The following CDH18 variants were observed in gnomAD, a reference collection of about 807,000 sequenced individuals.
CDH18 encodes the protein cadherin 18.
CDH18 carries 31 observed loss-of-function variants against 67.9 expected under a neutral mutation model. That is an observed-to-expected ratio of 0.46 (90% CI 0.34 to 0.62). The LOEUF is 0.62. CDH18 is among the 20% of genes least tolerant of loss of function. The pLI is 0.01. For missense variants in CDH18, 890 were observed against 975.5 expected (o/e 0.91, Z 1.17); for synonymous variants, 362 against 347.2 (o/e 1.04, Z -0.48).
chr5:19,827,025 G>T (rs77802554), intron 3 of CDH18, among the ~76,000 whole-genome samples: 1 of 151,978 alleles, frequency 6.6e-6, no homozygotes, highest in Non-Finnish European at 1.5e-5. Context: ...CAAAGTAAGG[G>T]GATGGAGAAA....
chr5:19,531,027 T>A (rs1235192806), intron 9 of CDH18, among the ~76,000 whole-genome samples: 1 of 152,260 alleles, frequency 6.6e-6, no homozygotes, highest in East Asian at 1.9e-4. Context: ...AATGCAGAAA[T>A]CACCTGTCTT....
In CDH18 at chr5:20,354,082, T is replaced by C. The variant is rs1490470814; in HGVS notation, c.-579-98577A>G. ...ATTTTTATTGGAAGCTAAAGCAGCTTATCCACTTTGGATATAGAGTTTTCA... is the reference window on the plus strand; with the variant it reads ...ATTTTTATTGGAAGCTAAAGCAGCTCATCCACTTTGGATATAGAGTTTTCA... On this transcript the variant is annotated intron_variant, in intron 1 of 14. Coordinates refer to the CDH18 transcript ENST00000507958. 2.0e-5 allele frequency among the ~76,000 whole-genome samples: 3 copies of C among 152,342 alleles called. No homozygotes were observed. In the East Asian group the frequency reaches 5.8e-4, roughly 29 times the overall value.
intron 5 of CDH18, among the ~76,000 whole-genome samples, chr5:19,686,171 G>A (rs1761067513): frequency 1.3e-5 from 2 of 151,874 alleles, no homozygotes; most frequent in Admixed American, 6.6e-5. Context: ...AAACCAGCAC[G>A]CAATAAAACA....
intron 2 of CDH18, among the ~76,000 whole-genome samples, chr5:19,848,752 A>T (rs1783297491): frequency 6.6e-6 from 1 of 151,870 alleles, no homozygotes; most frequent in Middle Eastern, 3.2e-3. Flanking sequence ...GCAGGTGAGA[A>T]ATGATGGTAG....
intron 2 of CDH18, among the ~76,000 whole-genome samples, chr5:20,032,300 C>T (rs942457594): frequency 6.6e-6 from 1 of 151,202 alleles, no homozygotes; most frequent in Admixed American, 6.6e-5. Context: ...GTGACTGTCC[C>T]TGACTTTAGT....
intron 1 of CDH18, among the ~76,000 whole-genome samples, chr5:20,406,875 C>G (rs1357377625): frequency 6.6e-6 from 1 of 152,120 alleles, no homozygotes; most frequent in African/African-American, 2.4e-5. Context: ...GCTTCGTTAG[C>G]CACATTAAAA....
At chr5:19,572,564 G>A (rs952560097) in intron 7 of CDH18, among the ~76,000 whole-genome samples, 4 of 152,094 alleles carry the variant, frequency 2.6e-5, no homozygotes, top group African/African-American at 9.7e-5. Context: ...CAACATCAAC[G>A]TTCCTTTCAG....
chr5:19,942,696 C>T (rs1396923091), intron 2 of CDH18, among the ~76,000 whole-genome samples: 1 of 152,108 alleles, frequency 6.6e-6, no homozygotes. Context: ...TTAAGGCTTT[C>T]TGGAGACAGA....
intron 1 of CDH18, among the ~76,000 whole-genome samples, chr5:20,524,928 C>T (rs1755957426): frequency 6.6e-6 from 1 of 152,150 alleles, no homozygotes; most frequent in African/African-American, 2.4e-5. Context: ...AAGATAGCAA[C>T]AAGGTTAGAA....
At chr5:20,493,356 T>TTA (rs1391590923) in intron 1 of CDH18, among the ~76,000 whole-genome samples, 5 of 47,210 alleles carry the variant, frequency 1.1e-4, no homozygotes, top group African/African-American at 3.4e-4. Flanking sequence ...TTCAGAAAAT[T>TTA]AAAAAAAAAA....
At chr5:19,817,429 C>T (rs957185741) in intron 3 of CDH18, among the ~76,000 whole-genome samples, 9 of 151,888 alleles carry the variant, frequency 5.9e-5, no homozygotes, top group Non-Finnish European at 1.0e-4. Flanking sequence ...ACATTCATAA[C>T]ATTATTACAT....
chr5:20,436,753 AT>A (rs1390140018), intron 1 of CDH18, among the ~76,000 whole-genome samples: 1 of 151,440 alleles, frequency 6.6e-6, no homozygotes, highest in Non-Finnish European at 1.5e-5. Flanking sequence ...GGGCTGTAAA[AT>A]ATCACCATAT....
At chr5:20,464,122 C>T (rs1381551031) in intron 1 of CDH18, among the ~76,000 whole-genome samples, 1 of 152,046 alleles carries the variant, frequency 6.6e-6, no homozygotes, top group East Asian at 1.9e-4. Flanking sequence ...ACTGATGAGG[C>T]TGACACACAC....
intron 2 of CDH18, among the ~76,000 whole-genome samples, chr5:19,937,652 G>GCCTCA (rs1337102096): frequency 1.3e-5 from 2 of 150,996 alleles, no homozygotes; most frequent in African/African-American, 4.8e-5. Context: ...ACAATACCTA[G>GCCTCA]CCTCACTATG....
At chr5:20,015,541 GTTAAA>G (rs371319845) in intron 2 of CDH18, among the ~76,000 whole-genome samples, 6 of 152,244 alleles carry the variant, frequency 3.9e-5, no homozygotes, top group African/African-American at 1.4e-4. Flanking sequence ...GGGATTTAGA[GTTAAA>G]TTAAATCATT....
At chr5:19,763,537 G>T (rs1463478173) in intron 3 of CDH18, among the ~76,000 whole-genome samples, 1 of 152,148 alleles carries the variant, frequency 6.6e-6, no homozygotes, top group Non-Finnish European at 1.5e-5. Context: ...TTTGAGGCAT[G>T]CTAAATGTGA....
At chr5:20,485,381 C>T (rs890298574) in intron 1 of CDH18, among the ~76,000 whole-genome samples, 16 of 152,108 alleles carry the variant, frequency 1.1e-4, no homozygotes, top group Non-Finnish European at 1.9e-4. Context: ...AGGGACAGGA[C>T]ACCATTTATC....
intron 2 of CDH18, among the ~76,000 whole-genome samples, chr5:19,868,827 T>C (rs1370948836): frequency 6.6e-6 from 1 of 152,096 alleles, no homozygotes; most frequent in Non-Finnish European, 1.5e-5. Flanking sequence ...TCCCAGCTCA[T>C]GTCTGCACTG....
chr5:20,064,931 T>TA (rs1742844580), intron 2 of CDH18, among the ~76,000 whole-genome samples: 1 of 152,090 alleles, frequency 6.6e-6, no homozygotes, highest in South Asian at 2.1e-4. Flanking sequence ...GTAAGTTTGA[T>TA]ATACATTAAC....
Sources: gnomAD v4.1 joint callset for allele counts (sites outside exome capture counted in the v4.1 genomes callset) on GRCh38, gnomAD v4.1.1 for gene constraint, MANE v1.5 for transcripts, NCBI Gene and HGNC (gene_info 2026-07-23, HGNC 2026-07-21) for gene names.